The following EPHA4 variants were observed in gnomAD, a reference collection of about 807,000 sequenced individuals.
EPHA4 encodes the protein ephrin type-A receptor 4.
EPHA4 carries 19 observed loss-of-function variants against 108.3 expected under a neutral mutation model. The observed-to-expected ratio is 0.18, with a 90% CI of 0.12 to 0.26. EPHA4 has a LOEUF of 0.26. Ranked by LOEUF, EPHA4 falls within the 10% of genes least tolerant of loss-of-function variation. The pLI is 1.00. For synonymous variants in EPHA4, 449 were observed against 455.5 expected, an observed-to-expected ratio of 0.99 and a Z score of 0.18; for missense variants, 917 against 1,254.0, an observed-to-expected ratio of 0.73 and a Z score of 4.06.
At chr2:221,565,199 A>G (rs1271348814) in intron 2 of EPHA4, among the ~76,000 whole-genome samples, 2 of 152,228 alleles carry the variant, frequency 1.3e-5, no homozygotes, top group East Asian at 3.8e-4. Flanking sequence ...AGTGCTGTTT[A>G]TGACTGAAGG....
At position 221,482,400 on chromosome 2, in the gene EPHA4, G is replaced by A. The variant is rs1342425992; in HGVS notation, c.1270C>T (p.Pro424Ser). The stretch of plus-strand genomic sequence containing the variant: ...ACAGAAACTGATTGGTCTGGGTTAG[G>A]GTTATATTTGGACACTCCATTCACA... ...WAVNGVSKYN[P>S]NPDQSVSVTV... Residue 424 changes from proline to serine, a missense_variant, in exon 5 of 18, where the codon CCT becomes TCT. Transcript: ENST00000281821. The A allele has an allele frequency of 2.5e-6, 4 of 1,613,878 alleles. No individual in the cohort carries two copies. The highest frequency in any genetic ancestry group is 4.5e-5 in the East Asian group (2 of 44,866).
intron 1 of EPHA4, among the ~76,000 whole-genome samples, chr2:221,570,361 C>G (rs1361757385): frequency 6.6e-6 from 1 of 151,588 alleles, no homozygotes; most frequent in African/African-American, 2.4e-5. Flanking sequence ...AGAAAGAAAA[C>G]AGTCTCTACA....
chr2:221,489,336 A>G (rs1692073834), intron 4 of EPHA4, among the ~76,000 whole-genome samples: 1 of 152,256 alleles, frequency 6.6e-6, no homozygotes, highest in Non-Finnish European at 1.5e-5. Flanking sequence ...TAAACCTAAA[A>G]GTTCTATTTC....
intron 5 of EPHA4, among the ~76,000 whole-genome samples, chr2:221,467,703 C>T (rs955725425): frequency 1.3e-5 from 2 of 152,152 alleles, no homozygotes; most frequent in Non-Finnish European, 2.9e-5. Context: ...CCAGAATTAG[C>T]AGGGAACTAA....
chr2:221,552,804 T>C (rs75475373), intron 3 of EPHA4, among the ~76,000 whole-genome samples: 1,539 of 152,284 alleles, frequency 0.01, 28 homozygotes, highest in African/African-American at 0.035. Context: ...AGAAATTTGA[T>C]CGAGTATTTT....
In EPHA4 at chr2:221,420,285, G is replaced by C. The variant is rs1298874467; in HGVS notation, c.*1087C>G. 1 of 152,678 alleles carries C rather than the reference G, an allele frequency of 6.5e-6. No individual in the cohort carries two copies. Among genetic ancestry groups the C allele is most frequent in the Non-Finnish European group, 1.5e-5 (1 of 68,042 alleles). 9.5% of individuals were successfully genotyped at this position (152,678 alleles called of 1,614,324 possible). A position where few individuals can be genotyped will look rare whatever the true frequency, so the allele number is the denominator to read the frequency against. ...GGGCTCTGCAGAGCTGGTGCTGCGA[G>C]ACAGTGCATTCCTCAGTGCAACTGG... On this transcript the variant is annotated 3_prime_UTR_variant, in exon 18 of 18. Coordinates refer to ENST00000281821, the MANE Select transcript of EPHA4 (RefSeq NM_004438.5).
intron 4 of EPHA4, 52 bp downstream of exon 4, chr2:221,500,965 G>A: frequency 2.7e-6 from 4 of 1,487,444 alleles, no homozygotes; most frequent in Non-Finnish European, 2.7e-6. Flanking sequence ...CTTGCTAGGT[G>A]GTAATGAAAG....
intron 8 of EPHA4, among the ~76,000 whole-genome samples, chr2:221,455,116 C>G (rs1690904720): frequency 6.6e-6 from 1 of 152,200 alleles, no homozygotes; most frequent in African/African-American, 2.4e-5. Context: ...TAATAATTAT[C>G]TCTATTTTAC....
rs1690625830 is a variant in EPHA4, at chr2:221,447,386, T to C, written c.1716-1205A>G. 3.3e-5 allele frequency among the ~76,000 whole-genome samples: 5 copies of C among 152,188 alleles called. No individual in the cohort carries two copies. The South Asian group carries it at 1.0e-3, about 32-fold the overall frequency. ...CCTGTCAAAATCCTATACCCTGAAC[T>C]CTTAAACTTTGAACAGGTAGAAAGG... On this transcript the variant is annotated intron_variant, in intron 8 of 17. Coordinates refer to ENST00000281821, the MANE Select transcript of EPHA4 (RefSeq NM_004438.5).
intron 14 of EPHA4, among the ~76,000 whole-genome samples, chr2:221,432,646 A>ATTT (rs35949341): frequency 1.4e-5 from 2 of 142,080 alleles, no homozygotes; most frequent in Admixed American, 7.1e-5. Flanking sequence ...TGCACCGAAC[A>ATTT]TTTTTTTTTT....
intron 9 of EPHA4, among the ~76,000 whole-genome samples, chr2:221,445,177 T>C (rs927104727): frequency 2.0e-5 from 3 of 152,220 alleles, no homozygotes; most frequent in Admixed American, 1.3e-4. Context: ...ATTTCAAGTA[T>C]TCAATAGCTT....
intron 14 of EPHA4, among the ~76,000 whole-genome samples, chr2:221,433,491 C>A (rs766248212): frequency 6.6e-6 from 1 of 152,038 alleles, no homozygotes; most frequent in Non-Finnish European, 1.5e-5. Context: ...TTGATCAATG[C>A]TTTCTTTTAT....
chr2:221,476,319 A>C (rs1183295092), intron 5 of EPHA4, among the ~76,000 whole-genome samples: 3 of 152,128 alleles, frequency 2.0e-5, no homozygotes, highest in African/African-American at 7.2e-5. Context: ...AGAACCACTC[A>C]CTGTCACAAC....
At chr2:221,492,710 C>T (rs950556571) in intron 4 of EPHA4, among the ~76,000 whole-genome samples, 1 of 152,226 alleles carries the variant, frequency 6.6e-6, no homozygotes, top group Non-Finnish European at 1.5e-5. Context: ...GCATCTGAAT[C>T]GTCCAAATGT....
At chr2:221,456,532 C>T (rs1690957180) in intron 7 of EPHA4, 81 bp downstream of exon 7, 1 of 1,454,316 alleles carries the variant, frequency 6.9e-7, no homozygotes. Flanking sequence ...ACAGACAACT[C>T]CTTAGATTTC....
intron 3 of EPHA4, among the ~76,000 whole-genome samples, chr2:221,523,347 G>A (rs1307291405): frequency 6.6e-6 from 1 of 151,902 alleles, no homozygotes; most frequent in African/African-American, 2.4e-5. Flanking sequence ...GAGTGCAATG[G>A]CACGATCTCG....
chr2:221,542,217 T>G (rs927324227), intron 3 of EPHA4, among the ~76,000 whole-genome samples: 1 of 152,060 alleles, frequency 6.6e-6, no homozygotes, highest in Non-Finnish European at 1.5e-5. Context: ...ATTGGAAAAA[T>G]AACTTGCCAA....
intron 8 of EPHA4, among the ~76,000 whole-genome samples, chr2:221,447,278 T>C (rs1288771292): frequency 6.6e-6 from 1 of 152,192 alleles, no homozygotes; most frequent in Non-Finnish European, 1.5e-5. Flanking sequence ...AAAGACAAGG[T>C]AAGGCAAGAC....
chr2:221,487,506 CTT>C (rs1047190466), intron 4 of EPHA4, among the ~76,000 whole-genome samples: 11 of 152,180 alleles, frequency 7.2e-5, no homozygotes, highest in Non-Finnish European at 1.5e-4. Context: ...CTGGGGAAAA[CTT>C]TATCTCTGAA....
Sources: gnomAD v4.1 joint callset for allele counts (sites outside exome capture counted in the v4.1 genomes callset) on GRCh38, gnomAD v4.1.1 for gene constraint, MANE v1.5 for transcripts, NCBI Gene and HGNC (gene_info 2026-07-23, HGNC 2026-07-21) for gene names.